CALN1: variants seen among roughly 807,000 people sequenced by gnomAD.
CALN1 encodes calcium-binding protein 8.
CALN1 carries 17 observed loss-of-function variants against 30.6 expected under a neutral mutation model. That is an observed-to-expected ratio of 0.56 (90% confidence interval 0.38 to 0.83). CALN1 has a LOEUF of 0.83. Among genes scored for constraint, CALN1 ranks in the 40% least tolerant of loss-of-function variants. The probability of loss-of-function intolerance (pLI) is 0.00; values close to 1 mark genes in which losing one functional copy is unlikely to be tolerated. For synonymous variants in CALN1, 156 were observed against 131.4 expected (o/e 1.19, Z -1.28); for missense variants, 291 against 354.9 (o/e 0.82, Z 1.45).
chr7:72,297,316 A>G (rs1359398610), intron 2 of CALN1, among the ~76,000 whole-genome samples: 1 of 151,452 alleles, frequency 6.6e-6, no homozygotes, highest in Non-Finnish European at 1.5e-5. Context: ...AGAAAATAGG[A>G]AAAAAAGGAA....
At chr7:71,944,480 G>C (rs1796298920) in intron 5 of CALN1, among the ~76,000 whole-genome samples, 1 of 149,970 alleles carries the variant, frequency 6.7e-6, no homozygotes, top group African/African-American at 2.5e-5. Flanking sequence ...TGTAATCCCA[G>C]CTACTTGGGA....
At chr7:72,284,234 G>A (rs1017268570) in intron 2 of CALN1, among the ~76,000 whole-genome samples, 1 of 152,156 alleles carries the variant, frequency 6.6e-6, no homozygotes, top group Non-Finnish European at 1.5e-5. Flanking sequence ...GTTTGAGGCT[G>A]CAGTGAACTG....
intron 3 of CALN1, among the ~76,000 whole-genome samples, chr7:72,256,792 G>A (rs1795944018): frequency 6.6e-6 from 1 of 151,876 alleles, no homozygotes; most frequent in South Asian, 2.1e-4. Context: ...ATTTTTAATT[G>A]GACAGACTGG....
intron 2 of CALN1, among the ~76,000 whole-genome samples, chr7:72,324,954 C>T (rs1206715934): frequency 3.9e-5 from 6 of 152,048 alleles, no homozygotes; most frequent in Admixed American, 2.6e-4. Context: ...TTTGGAAGCT[C>T]GACAGATGCA....
intron 2 of CALN1, among the ~76,000 whole-genome samples, chr7:72,360,888 C>G (rs559579717): frequency 4.6e-5 from 7 of 151,434 alleles, no homozygotes; most frequent in Non-Finnish European, 4.4e-5. Flanking sequence ...ACTACCATGC[C>G]GGGTTAATTT....
intron 2 of CALN1, among the ~76,000 whole-genome samples, chr7:72,375,883 C>T (rs181330230): frequency 3.0e-4 from 45 of 152,248 alleles, no homozygotes; most frequent in Non-Finnish European, 5.7e-4. Flanking sequence ...AACATTTCCA[C>T]CACCCCAAAC....
At chr7:72,361,706 G>A (rs1803580277) in intron 2 of CALN1, among the ~76,000 whole-genome samples, 1 of 152,114 alleles carries the variant, frequency 6.6e-6, no homozygotes, top group Admixed American at 6.6e-5. Flanking sequence ...CTGAGTAGTG[G>A]GGAGAACAAG....
intron 2 of CALN1, among the ~76,000 whole-genome samples, chr7:72,308,990 A>C (rs1236122700): frequency 6.6e-6 from 1 of 152,340 alleles, no homozygotes; most frequent in South Asian, 2.1e-4. Context: ...AATGTTAAGT[A>C]ATGTCTCAGT....
At chr7:72,389,174 C>T (rs1028877947) in intron 2 of CALN1, among the ~76,000 whole-genome samples, 1 of 152,130 alleles carries the variant, frequency 6.6e-6, no homozygotes, top group African/African-American at 2.4e-5. Flanking sequence ...GGCGGGGCAA[C>T]GCAGGAGCCC....
intron 5 of CALN1, among the ~76,000 whole-genome samples, chr7:71,960,239 C>A (rs1382745746): frequency 6.6e-6 from 1 of 151,938 alleles, no homozygotes; most frequent in East Asian, 1.9e-4. Context: ...ATGCAGGTTT[C>A]TTACATGTAT....
intron 3 of CALN1, among the ~76,000 whole-genome samples, chr7:72,165,063 C>A (rs1788428513): frequency 6.6e-6 from 1 of 152,120 alleles, no homozygotes; most frequent in African/African-American, 2.4e-5. Context: ...TGCACCAAAG[C>A]CCTATGCATT....
At chr7:72,150,369 C>G (rs1787137297) in intron 3 of CALN1, among the ~76,000 whole-genome samples, 1 of 152,174 alleles carries the variant, frequency 6.6e-6, no homozygotes, top group Admixed American at 6.5e-5. Flanking sequence ...GGCAAGGTCC[C>G]TGTTCTCCCA....
At chr7:71,798,094 A>G (rs1441333098) in intron 6 of CALN1, among the ~76,000 whole-genome samples, 1 of 96,172 alleles carries the variant, frequency 1.0e-5, no homozygotes. Context: ...AGAGACAGAG[A>G]GAGAGACAGA....
intron 3 of CALN1, among the ~76,000 whole-genome samples, chr7:72,260,944 C>T (rs1453371553): frequency 6.6e-6 from 1 of 152,114 alleles, no homozygotes; most frequent in Non-Finnish European, 1.5e-5. Flanking sequence ...GCAACATACC[C>T]TGAGGCTCAT....
chr7:72,299,801 C>T (rs1204627653), intron 2 of CALN1, among the ~76,000 whole-genome samples: 2 of 151,042 alleles, frequency 1.3e-5, no homozygotes, highest in Non-Finnish European at 2.9e-5. Flanking sequence ...TCCCAAAGTG[C>T]TAGCATTACA....
chr7:72,308,713 G>T (rs1799835649), intron 2 of CALN1, among the ~76,000 whole-genome samples: 1 of 152,032 alleles, frequency 6.6e-6, no homozygotes, highest in Non-Finnish European at 1.5e-5. Context: ...CTGCCTTTTT[G>T]CTTCTCCTGT....
intron 3 of CALN1, among the ~76,000 whole-genome samples, chr7:72,239,868 G>C (rs1794722491): frequency 6.6e-6 from 1 of 152,148 alleles, no homozygotes; most frequent in South Asian, 2.1e-4. Flanking sequence ...CACTGTCAAA[G>C]TGCCTCCCCT....
At chr7:71,839,414 C>T (rs149407937) in intron 5 of CALN1, among the ~76,000 whole-genome samples, 1 of 152,258 alleles carries the variant, frequency 6.6e-6, no homozygotes, top group East Asian at 1.9e-4. Context: ...CACCTGTAAT[C>T]CCAGCTAGTC....
chr7:72,075,218 G>A (rs946167149), intron 4 of CALN1, among the ~76,000 whole-genome samples: 1 of 152,200 alleles, frequency 6.6e-6, no homozygotes, highest in South Asian at 2.1e-4. Flanking sequence ...CCACCCACTA[G>A]TGGGAAGATA....
Sources: allele counts gnomAD v4.1 joint callset (sites outside exome capture counted in the v4.1 genomes callset), GRCh38; gene constraint gnomAD v4.1.1; transcripts MANE v1.5; gene names NCBI Gene and HGNC (gene_info 2026-07-23, HGNC 2026-07-21).